RPRD1A: variants seen among roughly 807,000 people sequenced by gnomAD.
RPRD1A encodes regulation of nuclear pre-mRNA domain-containing protein 1A.
RPRD1A carries 9 observed loss-of-function variants against 37.8 expected under a neutral mutation model. The observed-to-expected ratio is 0.24, with a 90% confidence interval of 0.14 to 0.42. The LOEUF is 0.42. RPRD1A is among the 10% of genes least tolerant of loss of function. The pLI is 1.00. For missense variants in RPRD1A, 255 were observed against 371.0 expected (o/e 0.69, Z 2.57); for synonymous variants, 138 against 139.7 (o/e 0.99, Z 0.08).
intron 1 of RPRD1A, among the ~76,000 whole-genome samples, chr18:36,042,740 A>C (rs1000005328): frequency 2.0e-5 from 3 of 152,218 alleles, no homozygotes; most frequent in Non-Finnish European, 4.4e-5. Flanking sequence ...TACCATTTTC[A>C]ACCTACTAGA....
chr18:36,059,643 TG>T (rs1171300319), intron 1 of RPRD1A, among the ~76,000 whole-genome samples: 2 of 152,192 alleles, frequency 1.3e-5, no homozygotes, highest in Non-Finnish European at 2.9e-5. Flanking sequence ...GAGAAATTCC[TG>T]GTCTAGAATA....
At position 36,056,928 on chromosome 18, in the gene RPRD1A, A is replaced by T. The variant is rs1029020412; in HGVS notation, c.151+10326T>A. Among the ~76,000 whole-genome samples, 9 of 151,874 alleles carry T rather than the reference A, an allele frequency of 5.9e-5. 1 individual carries two copies. In the South Asian group the frequency reaches 1.2e-3, roughly 21 times the overall value. On this transcript the variant is annotated intron_variant, in intron 1 of 6. Coordinates refer to ENST00000399022, the MANE Select transcript of RPRD1A (RefSeq NM_018170.5). Reference sequence around the variant, plus strand: ...TACATTTTAACAAACAAAAATAAATAAAAAAGGTGAGGCATGATGCTGACA... The same window carrying T: ...TACATTTTAACAAACAAAAATAAATTAAAAAGGTGAGGCATGATGCTGACA...
rs1198425451 is a variant in RPRD1A, at chr18:36,015,213, CTT to C, written c.789+11685_789+11686del. On this transcript the variant is annotated intron_variant, in intron 6 of 6. Coordinates refer to ENST00000399022, the MANE Select transcript of RPRD1A (RefSeq NM_018170.5). ...ACACACACACACACACATTCACATA[CTT>C]TTTTTTTTTTTTTTTGAGACAGAGT... Among the ~76,000 whole-genome samples the C allele has an allele frequency of 2.1e-3, 281 of 131,286 alleles. 1 individual carries two copies. Among genetic ancestry groups the C allele is most frequent in the Admixed American group, 3.5e-3 (46 of 13,068 alleles). The allele number at this position is 131,286 out of a possible 152,430, so 86.1% of individuals were successfully genotyped here.
At chr18:36,009,106 T>C (rs1282816992) in intron 6 of RPRD1A, among the ~76,000 whole-genome samples, 2 of 152,168 alleles carry the variant, frequency 1.3e-5, no homozygotes, top group East Asian at 3.9e-4. Context: ...CCCTTTGAGC[T>C]TTCTTTCTTA....
intron 1 of RPRD1A, among the ~76,000 whole-genome samples, chr18:36,039,376 T>C (rs942835762): frequency 2.0e-5 from 3 of 152,232 alleles, no homozygotes; most frequent in Non-Finnish European, 4.4e-5. Flanking sequence ...AGAAGGGGCA[T>C]GGTAATAAAT....
intron 1 of RPRD1A, chr18:36,064,569 TAA>T (rs1653013015): frequency 6.6e-6 from 1 of 152,206 alleles, no homozygotes; most frequent in African/African-American, 2.4e-5. Context: ...TGTGTCTAGC[TAA>T]AAGTTTGTAA....
At chr18:36,016,732 AG>A (rs557002538) in intron 6 of RPRD1A, among the ~76,000 whole-genome samples, 110 of 152,356 alleles carry the variant, frequency 7.2e-4, no homozygotes, top group African/African-American at 2.6e-3. Flanking sequence ...TTCAATAGCA[AG>A]GAACTGGAAG....
At chr18:36,015,282 C>T (rs902772998) in intron 6 of RPRD1A, among the ~76,000 whole-genome samples, 2 of 151,112 alleles carry the variant, frequency 1.3e-5, no homozygotes, top group East Asian at 1.9e-4. Context: ...GCGTGATCTC[C>T]GCTCACTGCA....
chr18:36,018,844 CA>C (rs1388092576), intron 6 of RPRD1A, among the ~76,000 whole-genome samples: 2 of 151,846 alleles, frequency 1.3e-5, no homozygotes, highest in Non-Finnish European at 2.9e-5. Flanking sequence ...TAGATGGGAC[CA>C]AAAGAAAAGG....
At chr18:36,013,923 TAAGG>T (rs958375745) in intron 6 of RPRD1A, among the ~76,000 whole-genome samples, 3 of 152,056 alleles carry the variant, frequency 2.0e-5, no homozygotes, top group South Asian at 2.1e-4. Context: ...TAAAAAACCA[TAAGG>T]AAGGAGTCTG....
intron 4 of RPRD1A, chr18:36,027,645 T>C (rs1443826614): frequency 5.1e-6 from 1 of 196,846 alleles, no homozygotes; most frequent in East Asian, 1.1e-4. Context: ...AGGTAGGCTA[T>C]AACATCAACC....
chr18:36,021,920 G>C (rs1286789426), intron 6 of RPRD1A, among the ~76,000 whole-genome samples: 4 of 152,128 alleles, frequency 2.6e-5, no homozygotes, highest in Non-Finnish European at 5.9e-5. Flanking sequence ...AGGATTGCTA[G>C]AGCCCAGGAG....
At chr18:36,065,249 AAAG>A (rs1251765605) in intron 1 of RPRD1A, among the ~76,000 whole-genome samples, 2 of 152,174 alleles carry the variant, frequency 1.3e-5, no homozygotes, top group Non-Finnish European at 2.9e-5. Flanking sequence ...TCTATAAACA[AAAG>A]AAGTACTGTT....
chr18:35,995,526 C>T (rs1908995504), intron 6 of RPRD1A, among the ~76,000 whole-genome samples: 1 of 152,088 alleles, frequency 6.6e-6, no homozygotes, highest in Non-Finnish European at 1.5e-5. Context: ...CCTTGGCCTC[C>T]CAAAGTGCTG....
At chr18:36,025,387 A>T (rs1911292884) in intron 6 of RPRD1A, 1 of 326,914 alleles carries the variant, frequency 3.1e-6, no homozygotes, top group Non-Finnish European at 5.9e-6. Context: ...ATAATCTATG[A>T]CTGTCAACTA....
rs377447741 is a variant in RPRD1A, at chr18:36,035,122, G to A, written c.152-1285C>T. On this transcript the variant is annotated intron_variant, in intron 1 of 6. Transcript: ENST00000399022. ...ACAGTGTACAACTGGTTAAGATATC[G>A]GGACCCTATCCTAACATTCAGTCCT... Among the ~76,000 whole-genome samples the A allele has an allele frequency of 1.4e-3, 210 of 152,214 alleles. 9 individuals carry two copies. The South Asian group carries it at 0.037, about 27-fold the overall frequency.
chr18:36,014,601 G>A lies in RPRD1A; in HGVS notation c.789+12299C>T, dbSNP rs1004213512. ...TAAAAATACAAAAAACAATTAGCCGGGTGTGGTGGCGGGCGCCTATAGTCC... is the reference window on the plus strand; with the variant it reads ...TAAAAATACAAAAAACAATTAGCCGAGTGTGGTGGCGGGCGCCTATAGTCC... On this transcript the variant is annotated intron_variant, in intron 6 of 6. Transcript: ENST00000399022. Among the ~76,000 whole-genome samples the A allele has an allele frequency of 1.2e-4, 18 of 152,258 alleles. 1 individual carries two copies. Among genetic ancestry groups the A allele is most frequent in the African/African-American group, 3.9e-4 (16 of 41,550 alleles).
At chr18:36,002,745 G>A (rs1909503978) in intron 6 of RPRD1A, among the ~76,000 whole-genome samples, 1 of 152,098 alleles carries the variant, frequency 6.6e-6, no homozygotes. Flanking sequence ...TCTCTCTTCA[G>A]GCTGTTTCTT....
At chr18:36,043,195 T>C (rs1208978493) in intron 1 of RPRD1A, among the ~76,000 whole-genome samples, 1 of 50,048 alleles carries the variant, frequency 2.0e-5, no homozygotes, top group Non-Finnish European at 3.3e-5. Context: ...TCAAGAAGAA[T>C]CGGGGGGGGG....
Sources: allele counts gnomAD v4.1 joint callset (sites outside exome capture counted in the v4.1 genomes callset), GRCh38; gene constraint gnomAD v4.1.1; transcripts MANE v1.5; gene names NCBI Gene and HGNC (gene_info 2026-07-23, HGNC 2026-07-21).